SDCCAG8: variants seen among roughly 807,000 people sequenced by gnomAD.
SDCCAG8 encodes serologically defined colon cancer antigen 8.
SDCCAG8 carries 74 observed loss-of-function variants against 101.8 expected under a neutral mutation model. The observed-to-expected ratio is 0.73, with a 90% CI of 0.60 to 0.88. The LOEUF (loss-of-function observed/expected upper bound fraction) is 0.88, where lower values mean the gene tolerates loss of function less well. Among genes scored for constraint, SDCCAG8 ranks in the 40% least tolerant of loss-of-function variants. The pLI, the probability that SDCCAG8 is intolerant of heterozygous loss-of-function variation, is 0.00. For synonymous variants in SDCCAG8, 281 were observed against 292.9 expected, an observed-to-expected ratio of 0.96 and a Z score of 0.41; for missense variants, 787 against 822.6, an observed-to-expected ratio of 0.96 and a Z score of 0.53.
intron 16 of SDCCAG8, among the ~76,000 whole-genome samples, chr1:243,455,723 A>G (rs879917328): frequency 1.3e-5 from 2 of 152,234 alleles, no homozygotes; most frequent in Non-Finnish European, 2.9e-5. Flanking sequence ...AACCCAACAT[A>G]TTAAATCCAT....
chr1:243,419,010 G>A (rs768887095), intron 15 of SDCCAG8, among the ~76,000 whole-genome samples: 4 of 151,978 alleles, frequency 2.6e-5, no homozygotes, highest in South Asian at 2.1e-4. Context: ...TGTTTCATTC[G>A]GGAAGGATTT....
intron 9 of SDCCAG8, among the ~76,000 whole-genome samples, chr1:243,323,608 C>T (rs1158245181): frequency 6.6e-6 from 1 of 152,110 alleles, no homozygotes; most frequent in East Asian, 1.9e-4. Context: ...CGTTTATTAC[C>T]GTCCATTCCT....
chr1:243,339,011 G>A (rs561903226), intron 10 of SDCCAG8: 26 of 154,418 alleles, frequency 1.7e-4, no homozygotes, highest in African/African-American at 6.2e-4. Context: ...GCGGCAGGAG[G>A]GAGCAGACAG....
chr1:243,328,301 C>A lies in SDCCAG8; in HGVS notation c.1069-2239C>A, dbSNP rs536134208. Among the ~76,000 whole-genome samples the A allele has an allele frequency of 4.3e-4, 64 of 149,676 alleles. No individual in the cohort carries two copies. In the East Asian group the frequency reaches 0.012, roughly 28 times the overall value. The stretch of plus-strand genomic sequence containing the variant: ...GTTTGTTTTGTGTGTTTTTTGGGGA[C>A]GGAGTCACACTCTGTTGCCCAGGCT... On this transcript the variant is annotated intron_variant, in intron 9 of 17. Coordinates refer to ENST00000366541, the MANE Select transcript of SDCCAG8 (RefSeq NM_006642.5).
intron 12 of SDCCAG8, among the ~76,000 whole-genome samples, chr1:243,374,619 A>G (rs72759846): frequency 0.12 from 17,769 of 152,028 alleles, 1,149 homozygotes; most frequent in African/African-American, 0.16. Context: ...TACACATACA[A>G]TAATAGCATT....
chr1:243,446,462 C>T (rs1411632795), intron 16 of SDCCAG8, among the ~76,000 whole-genome samples: 1 of 152,142 alleles, frequency 6.6e-6, no homozygotes, highest in Non-Finnish European at 1.5e-5. Flanking sequence ...CACAAGGTCT[C>T]ACTTTGTTGC....
chr1:243,277,558 A>G lies in SDCCAG8; in HGVS notation c.420+2902A>G, dbSNP rs547868843. ...ATTTTGGATGCCAGTCCTTTATCAG[A>G]TATGTCTTTTTCAAGTATTTTCTCC... On this transcript the variant is annotated intron_variant, in intron 4 of 17. Transcript: ENST00000366541. Among the ~76,000 whole-genome samples the G allele has an allele frequency of 3.9e-5, 6 of 152,280 alleles. No individual in the cohort carries two copies. In the South Asian group the frequency reaches 1.2e-3, roughly 32 times the overall value.
At chr1:243,277,834 G>C (rs2068705070) in intron 4 of SDCCAG8, among the ~76,000 whole-genome samples, 1 of 152,054 alleles carries the variant, frequency 6.6e-6, no homozygotes, top group Non-Finnish European at 1.5e-5. Context: ...GTCTATTTCT[G>C]GGCTTTCCTG....
rs771710977 is a variant in SDCCAG8 at position 243,293,168 on chromosome 1, T to C, written c.624T>C (p.His208=). ...AAACCTCCAAAAGACCATTTTCCCATGACAATGCAGATTTTGGCAAAGCTG... is the reference window on the plus strand; with the variant it reads ...AAACCTCCAAAAGACCATTTTCCCACGACAATGCAGATTTTGGCAAAGCTG... ...VGETSKRPFS[H]DNADFGKAAS... is the part of the protein sequence containing the mutation. The change falls in exon 6 of 18, where the codon CAT becomes CAC. Residue 208 remains histidine (H), a synonymous_variant. Coordinates refer to ENST00000366541, the MANE Select transcript of SDCCAG8 (RefSeq NM_006642.5). 4.3e-5 allele frequency: 70 copies of C among 1,614,052 alleles called. No homozygotes were observed. The highest frequency in any genetic ancestry group is 3.4e-6 in the Non-Finnish European group (4 of 1,180,012).
intron 4 of SDCCAG8, among the ~76,000 whole-genome samples, chr1:243,281,766 T>TGCTGA (rs2069075957): frequency 6.7e-6 from 1 of 149,624 alleles, no homozygotes. Context: ...ACCGCCTCCC[T>TGCTGA]GCTGAGTAGC....
rs565145934 is a variant in SDCCAG8 at position 243,499,354 on chromosome 1, A to C, written c.2113-402A>C. ...GGAATTTCTTAGGGGCACTTGGCCT[A>C]CACCCTGTTTTTGTTCTAGAATTAC... On this transcript the variant is annotated intron_variant, in intron 17 of 17. Coordinates refer to ENST00000366541, the MANE Select transcript of SDCCAG8 (RefSeq NM_006642.5). 3.9e-5 allele frequency among the ~76,000 whole-genome samples: 6 copies of C among 152,340 alleles called. No individual in the cohort carries two copies. In the East Asian group the frequency reaches 1.2e-3, roughly 29 times the overall value.
intron 11 of SDCCAG8, among the ~76,000 whole-genome samples, chr1:243,342,149 G>A (rs867068974): frequency 2.6e-5 from 4 of 152,246 alleles, no homozygotes; most frequent in Middle Eastern, 3.4e-3. Flanking sequence ...GAGATAGGGT[G>A]GAAGTGAAGG....
intron 12 of SDCCAG8, among the ~76,000 whole-genome samples, chr1:243,357,665 C>T (rs1173538932): frequency 6.6e-6 from 1 of 152,060 alleles, no homozygotes; most frequent in Non-Finnish European, 1.5e-5. Context: ...CACAGGGGTG[C>T]AATGAAAAAT....
At chr1:243,353,560 T>C (rs1462787440) in intron 12 of SDCCAG8, among the ~76,000 whole-genome samples, 1 of 138,976 alleles carries the variant, frequency 7.2e-6, no homozygotes, top group Non-Finnish European at 1.5e-5. Flanking sequence ...AGAAATTTAT[T>C]TGGTTAGAAG....
intron 16 of SDCCAG8, among the ~76,000 whole-genome samples, chr1:243,478,420 G>C (rs1182184126): frequency 6.6e-6 from 1 of 152,142 alleles, no homozygotes; most frequent in Non-Finnish European, 1.5e-5. Context: ...TTCTTTTCAT[G>C]AGAAGAGCAG....
rs755492572 is a variant in SDCCAG8 at position 243,341,045 on chromosome 1, A to C, written c.1228A>C (p.Ile410Leu). The C allele has an allele frequency of 6.2e-7, 1 of 1,613,566 alleles. No homozygotes were observed. Among genetic ancestry groups the C allele is most frequent in the East Asian group, 2.2e-5 (1 of 44,870 alleles). The change falls in exon 11 of 18, where the codon ATC (isoleucine) becomes CTC (leucine). Residue 410 changes from isoleucine (I) to leucine (L), a missense_variant. Coordinates refer to ENST00000366541, the MANE Select transcript of SDCCAG8 (RefSeq NM_006642.5). ...CTTTTATTTTCCCTTACAGATGTTG[A>C]TCTTGTCTCAGAATATTGCCCAACT... ...EREYMGSKML[I>L]LSQNIAQLEA...
chr1:243,351,078 G>T (rs1175780749), intron 12 of SDCCAG8, among the ~76,000 whole-genome samples: 1 of 152,126 alleles, frequency 6.6e-6, no homozygotes, highest in Admixed American at 6.5e-5. Flanking sequence ...TAAGATAATG[G>T]ATGACTTCTC....
chr1:243,287,006 A>G (rs541050345), intron 5 of SDCCAG8, among the ~76,000 whole-genome samples: 26 of 152,298 alleles, frequency 1.7e-4, no homozygotes, highest in African/African-American at 6.3e-4. Flanking sequence ...AGTCTGATTC[A>G]CTTGGTCTGG....
chr1:243,405,313 TAAAAAGC>T (rs1230559519), intron 13 of SDCCAG8, among the ~76,000 whole-genome samples: 1 of 152,074 alleles, frequency 6.6e-6, no homozygotes, highest in Non-Finnish European at 1.5e-5. Context: ...TTTTAGGTGT[TAAAAAGC>T]AAAAAGGAAA....
Sources: allele counts gnomAD v4.1 joint callset (sites outside exome capture counted in the v4.1 genomes callset), GRCh38; gene constraint gnomAD v4.1.1; transcripts MANE v1.5; gene names NCBI Gene and HGNC (gene_info 2026-07-23, HGNC 2026-07-21).